Variants in LIMS1 observed in about 807,000 individuals in gnomAD.
The protein encoded by LIMS1 is LIM and senescent cell antigen-like-containing domain protein 1.
A neutral mutation model predicts 44.1 loss-of-function variants in LIMS1; 18 were observed. The ratio of observed to expected loss-of-function variants is 0.41; its 90% confidence interval spans 0.28 to 0.61. The LOEUF (loss-of-function observed/expected upper bound fraction) is 0.61, where lower values mean the gene tolerates loss of function less well. Among genes scored for constraint, LIMS1 ranks in the 20% least tolerant of loss-of-function variants. LIMS1 has a pLI of 0.32. For synonymous variants in LIMS1, 93 were observed against 149.1 expected (o/e 0.62, Z 2.74); for missense variants, 201 against 422.0 (o/e 0.48, Z 4.59).
intron 1 of LIMS1, among the ~76,000 whole-genome samples, chr2:108,627,679 T>C (rs1688658151): frequency 6.6e-6 from 1 of 152,176 alleles, no homozygotes; most frequent in South Asian, 2.1e-4. Context: ...TTTGGATAGA[T>C]GTTATTAAAA....
intron 1 of LIMS1, among the ~76,000 whole-genome samples, chr2:108,550,024 A>G (rs1362913630): frequency 1.3e-5 from 2 of 152,172 alleles, no homozygotes; most frequent in Non-Finnish European, 2.9e-5. Flanking sequence ...GCCTGATGAT[A>G]TCCTAGAGTT....
chr2:108,672,769 T>G lies in LIMS1; in HGVS notation c.381-111T>G. 3 of 368,370 alleles carry G rather than the reference T, an allele frequency of 8.1e-6. No homozygotes were observed. In the Admixed American group the frequency reaches 2.0e-4, roughly 25 times the overall value. The allele number at this position is 368,370 out of a possible 1,614,324, so 22.8% of individuals were successfully genotyped here. A position where few individuals can be genotyped will look rare whatever the true frequency, so the allele number is the denominator to read the frequency against. On this transcript the variant is annotated intron_variant, in intron 4 of 9. Coordinates refer to ENST00000544547, the Ensembl canonical transcript of LIMS1. ...CTGCCCCGTGAAGCACAGGAGTGAT[T>G]TTTTTAAGAAATGGTTTGTTTAATT...
rs560639589 is a variant in LIMS1, at chr2:108,676,247, T to C, written c.681+219T>C. On this transcript the variant is annotated intron_variant, in intron 6 of 9. Coordinates refer to ENST00000544547, the Ensembl canonical transcript of LIMS1. ...GCTAAGAATATATAATGTACACTGC[T>C]TTTGTGAATGTCTCAGTAATGATAC... 1.3e-5 allele frequency among the ~76,000 whole-genome samples: 2 copies of C among 152,362 alleles called. 1 individual carries two copies. The highest frequency in any genetic ancestry group is 1.3e-4 in the Admixed American group (2 of 15,306).
chr2:108,601,751 A>G (rs1056006965), intron 1 of LIMS1, among the ~76,000 whole-genome samples: 1 of 152,234 alleles, frequency 6.6e-6, no homozygotes, highest in African/African-American at 2.4e-5. Context: ...TCCTGAACTC[A>G]GGTGATCCAC....
chr2:108,533,888 A>C (rs1028618776), upstream of LIMS1: 1 of 153,026 alleles, frequency 6.5e-6, no homozygotes, highest in Non-Finnish European at 1.5e-5. Flanking sequence ...TGACCGATCC[A>C]GACCAGGTCC....
At chr2:108,591,612 A>AC (rs1686397906) in intron 1 of LIMS1, among the ~76,000 whole-genome samples, 1 of 151,856 alleles carries the variant, frequency 6.6e-6, no homozygotes, top group Non-Finnish European at 1.5e-5. Context: ...GGCACACACC[A>AC]CCATGCCTGG....
At chr2:108,675,714 G>A (rs1463346858) in intron 5 of LIMS1, among the ~76,000 whole-genome samples, 164 bp from the exon 6 acceptor site, 4 of 152,078 alleles carry the variant, frequency 2.6e-5, no homozygotes, top group Non-Finnish European at 5.9e-5. Flanking sequence ...AACCTGTTCA[G>A]GCCTATTAAT....
At chr2:108,552,639 C>T (rs1193522686) in intron 1 of LIMS1, among the ~76,000 whole-genome samples, 4 of 148,116 alleles carry the variant, frequency 2.7e-5, no homozygotes, top group Admixed American at 6.9e-5. Context: ...GTTGCTCTGT[C>T]GGCCATACTG....
At chr2:108,602,462 T>C (rs1387314680) in intron 1 of LIMS1, among the ~76,000 whole-genome samples, 1 of 152,230 alleles carries the variant, frequency 6.6e-6, no homozygotes, top group East Asian at 1.9e-4. Context: ...TGAGGTATGC[T>C]TTTATACCCA....
At chr2:108,596,682 G>A (rs1328394082) in intron 1 of LIMS1, among the ~76,000 whole-genome samples, 4 of 152,260 alleles carry the variant, frequency 2.6e-5, no homozygotes, top group Admixed American at 2.6e-4. Context: ...AATTAGCCAG[G>A]CGTGGTGGTG....
chr2:108,586,208 C>T (rs780418922), intron 1 of LIMS1, among the ~76,000 whole-genome samples: 60 of 151,322 alleles, frequency 4.0e-4, no homozygotes, highest in Non-Finnish European at 6.5e-4. Flanking sequence ...CAAAAAAAAA[C>T]AAAAAAACAA....
rs963506067 is a variant in LIMS1, at chr2:108,534,591, A to G, written c.29A>G (p.His10Arg). ...CTGGGCGTGGCGGCCGGGATGACCC[A>G]CAGGTACGGGCCGCACCGCGCGGCC... The change falls in exon 1 of 10, where the codon CAC becomes CGC. Residue 10 changes from histidine (H) to arginine (R), a missense_variant. Transcript: ENST00000544547. 11 of 1,165,412 alleles carry G rather than the reference A, an allele frequency of 9.4e-6. No homozygotes were observed. The African/African-American group carries it at 1.6e-4, about 17-fold the overall frequency. 72.2% of individuals were successfully genotyped at this position (1,165,412 alleles called of 1,614,324 possible).
chr2:108,603,511 T>TTTC (rs1687121670), intron 1 of LIMS1, among the ~76,000 whole-genome samples: 1 of 147,024 alleles, frequency 6.8e-6, no homozygotes, highest in African/African-American at 2.5e-5. Flanking sequence ...TTTTTTTTTT[T>TTTC]TTTTTCCACT....
chr2:108,651,571 A>G (rs1213751850), intron 1 of LIMS1, among the ~76,000 whole-genome samples: 2 of 152,176 alleles, frequency 1.3e-5, no homozygotes, highest in South Asian at 2.1e-4. Context: ...GGTACCTTTG[A>G]TCATAAAACC....
intron 1 of LIMS1, among the ~76,000 whole-genome samples, chr2:108,618,654 A>G (rs558906254): frequency 6.6e-6 from 1 of 152,000 alleles, no homozygotes; most frequent in Non-Finnish European, 1.5e-5. Flanking sequence ...GTGAAACCCC[A>G]TCTCTACTAA....
At chr2:108,643,166 T>G (rs971739462) in intron 1 of LIMS1, among the ~76,000 whole-genome samples, 1 of 152,218 alleles carries the variant, frequency 6.6e-6, no homozygotes, top group Non-Finnish European at 1.5e-5. Flanking sequence ...GAGGGCTGAT[T>G]AGAGTATAGA....
chr2:108,668,750 A>G lies in LIMS1; in HGVS notation c.193-2031A>G, dbSNP rs1486719852. ...CCCAGTAGTGAGATTGCTGGATCAT[A>G]TGGTAGTTCCATTAATTACTGCTAA... is the stretch of plus-strand genomic sequence containing the variant. On this transcript the variant is annotated intron_variant, in intron 2 of 9. Transcript: ENST00000544547. Among the ~76,000 whole-genome samples the G allele has an allele frequency of 2.0e-5, 3 of 152,344 alleles. No homozygotes were observed. The East Asian group carries it at 5.8e-4, about 29-fold the overall frequency.
intron 4 of LIMS1, 81 bp from the exon 5 acceptor site, chr2:108,672,799 T>C: frequency 4.5e-6 from 2 of 446,954 alleles, no homozygotes; most frequent in South Asian, 4.7e-5. Context: ...TTAATTTCTT[T>C]TCAGAGATAA....
At chr2:108,639,818 A>G (rs1689549520) in intron 1 of LIMS1, among the ~76,000 whole-genome samples, 1 of 152,224 alleles carries the variant, frequency 6.6e-6, no homozygotes, top group Admixed American at 6.5e-5. Flanking sequence ...TGGCAGGAAT[A>G]TGCGTGATTC....
Sources: gnomAD v4.1 joint callset for allele counts (sites outside exome capture counted in the v4.1 genomes callset) on GRCh38, gnomAD v4.1.1 for gene constraint, MANE v1.5 for transcripts, NCBI Gene and HGNC (gene_info 2026-07-23, HGNC 2026-07-21) for gene names.